The following RNF150 variants were observed in gnomAD, a reference collection of about 807,000 sequenced individuals.
RNF150 encodes the protein ring finger protein 150.
In RNF150, 24 loss-of-function variants were observed where a neutral mutation model predicts 39.3. The ratio of observed to expected loss-of-function variants is 0.61; its 90% CI spans 0.44 to 0.86. RNF150 has a LOEUF of 0.86. RNF150 is among the 40% of genes least tolerant of loss of function. The probability of loss-of-function intolerance (pLI) is 0.00; values close to 1 mark genes in which losing one functional copy is unlikely to be tolerated. For synonymous variants in RNF150, 255 were observed against 227.3 expected (o/e 1.12, Z -1.10); for missense variants, 502 against 587.8 (o/e 0.85, Z 1.51).
At chr4:141,099,614 G>A (rs1211350657) in intron 1 of RNF150, among the ~76,000 whole-genome samples, 2 of 152,042 alleles carry the variant, frequency 1.3e-5, no homozygotes, top group Non-Finnish European at 2.9e-5. Flanking sequence ...TTCTCCTGCT[G>A]AGAAACTAAA....
At chr4:141,023,618 A>G (rs1735582281) in intron 1 of RNF150, among the ~76,000 whole-genome samples, 1 of 152,152 alleles carries the variant, frequency 6.6e-6, no homozygotes, top group Admixed American at 6.6e-5. Context: ...TAGATAATTC[A>G]TAAAAATTAT....
intron 5 of RNF150, among the ~76,000 whole-genome samples, chr4:140,918,608 A>G (rs1275459009): frequency 2.0e-5 from 3 of 152,126 alleles, no homozygotes; most frequent in African/African-American, 4.8e-5. Flanking sequence ...CCAGAGGTAC[A>G]AGGAGGAGCT....
intron 1 of RNF150, among the ~76,000 whole-genome samples, chr4:140,999,993 A>AAAGAAGAAG (rs1169596089): frequency 1.6e-5 from 1 of 63,356 alleles, no homozygotes; most frequent in African/African-American, 5.3e-5. Flanking sequence ...GAAAAGAAGA[A>AAAGAAGAAG]AAGAAGAAGA....
intron 1 of RNF150, among the ~76,000 whole-genome samples, chr4:141,068,692 C>T (rs1737561036): frequency 6.7e-6 from 1 of 148,450 alleles, no homozygotes; most frequent in Admixed American, 6.8e-5. Context: ...TACCCATGAG[C>T]ATGGAATGTT....
At chr4:141,100,900 A>G (rs1010962920) in intron 1 of RNF150, among the ~76,000 whole-genome samples, 5 of 152,234 alleles carry the variant, frequency 3.3e-5, no homozygotes, top group African/African-American at 1.2e-4. Flanking sequence ...GTATCTAAAC[A>G]TAGAAAAGGT....
chr4:141,009,573 A>G (rs1734997412), intron 1 of RNF150, among the ~76,000 whole-genome samples: 6 of 152,234 alleles, frequency 3.9e-5, no homozygotes, highest in Admixed American at 3.9e-4. Flanking sequence ...CCATGTAAGA[A>G]CAGTGACTGG....
Position 140,867,863 on chromosome 4 carries a change from C to T in RNF150, c.*398G>A, listed in dbSNP as rs978781434. On this transcript the variant is annotated 3_prime_UTR_variant, in exon 7 of 7. Coordinates refer to ENST00000515673, the MANE Select transcript of RNF150 (RefSeq NM_020724.2). ...AAAGGAATAGATGGAAAGTAAACTA[C>T]AAATAATCTTTAAAAAAATTGCCAA... is the stretch of plus-strand genomic sequence containing the variant. 17 of 161,356 alleles carry T rather than the reference C, an allele frequency of 1.1e-4. No individual in the cohort carries two copies. The highest frequency in any genetic ancestry group is 3.8e-4 in the African/African-American group (16 of 41,780). 10.0% of individuals were successfully genotyped at this position (161,356 alleles called of 1,614,324 possible).
At chr4:141,076,004 T>C (rs895601138) in intron 1 of RNF150, among the ~76,000 whole-genome samples, 3 of 152,208 alleles carry the variant, frequency 2.0e-5, no homozygotes, top group Admixed American at 1.3e-4. Flanking sequence ...AAAGATCTGA[T>C]AGATAAGTGA....
rs192315555 is a variant in RNF150 at position 141,190,580 on chromosome 4, C to G, written c.-6+22214G>C. On this transcript the variant is annotated intron_variant, in intron 1 of 7. Transcript: ENST00000420921. ...CCTTGAGCTTCACATGACAGCATAG[C>G]ATTAGAAACGCCTTGCTTGCAGGCC... 9.1e-4 allele frequency among the ~76,000 whole-genome samples: 139 copies of G among 152,280 alleles called. 1 individual carries two copies. Among genetic ancestry groups the G allele is most frequent in the African/African-American group, 3.3e-3 (138 of 41,560 alleles).
At chr4:140,954,062 T>C (rs191081454) in intron 2 of RNF150, among the ~76,000 whole-genome samples, 7 of 152,292 alleles carry the variant, frequency 4.6e-5, no homozygotes, top group Admixed American at 3.3e-4. Context: ...AGTAAAGTGA[T>C]GCTAATGGAA....
intron 1 of RNF150, among the ~76,000 whole-genome samples, chr4:140,975,127 G>A (rs548782694): frequency 1.3e-5 from 2 of 152,198 alleles, no homozygotes; most frequent in African/African-American, 4.8e-5. Context: ...GTGGTGGCAT[G>A]CTCCTGTAGT....
At position 140,861,463 on chromosome 4, in the gene RNF150, A is replaced by T. The variant is rs530786157; in HGVS notation, c.*6798T>A. ...TCTCAACTACCGAAGAAATTGTATG[A>T]TGAAAGGCAAGTAACTGGTTGTTGA... On this transcript the variant is annotated 3_prime_UTR_variant, in exon 7 of 7. Coordinates refer to ENST00000515673, the MANE Select transcript of RNF150 (RefSeq NM_020724.2). The T allele has an allele frequency of 6.6e-6, 1 of 152,346 alleles. No homozygotes were observed. The highest frequency in any genetic ancestry group is 2.1e-4 in the South Asian group (1 of 4,826). The allele number at this position is 152,346 out of a possible 1,614,324, so 9.4% of individuals were successfully genotyped here.
chr4:141,094,036 T>A (rs535440059), intron 1 of RNF150, among the ~76,000 whole-genome samples: 1 of 152,204 alleles, frequency 6.6e-6, no homozygotes, highest in East Asian at 1.9e-4. Context: ...ATGATATAGA[T>A]ACAGCTAAAG....
At chr4:140,999,263 TG>T in intron 1 of RNF150, among the ~76,000 whole-genome samples, 1 of 152,226 alleles carries the variant, frequency 6.6e-6, no homozygotes. Context: ...ATTTCTCCAG[TG>T]TCATTCATCC....
chr4:140,919,795 G>C (rs1731026391), intron 5 of RNF150, among the ~76,000 whole-genome samples: 2 of 152,180 alleles, frequency 1.3e-5, no homozygotes, highest in African/African-American at 2.4e-5. Flanking sequence ...TTGGTTACAA[G>C]GCTACGGTAA....
chr4:141,026,217 G>A (rs1735691335), intron 1 of RNF150, among the ~76,000 whole-genome samples: 1 of 152,116 alleles, frequency 6.6e-6, no homozygotes, highest in South Asian at 2.1e-4. Flanking sequence ...AACATTACAT[G>A]TCAGCTACTG....
chr4:141,168,768 G>C (rs757946777), intron 1 of RNF150, among the ~76,000 whole-genome samples: 7 of 152,070 alleles, frequency 4.6e-5, no homozygotes, highest in Non-Finnish European at 8.8e-5. Flanking sequence ...CACAGGGAGG[G>C]GAACATCACA....
intron 1 of RNF150, among the ~76,000 whole-genome samples, chr4:141,115,950 T>C (rs1049836312): frequency 6.6e-6 from 1 of 152,190 alleles, no homozygotes; most frequent in Non-Finnish European, 1.5e-5. Flanking sequence ...GGCAGAAAAC[T>C]GAAACTGGAC....
At position 140,975,711 on chromosome 4, in the gene RNF150, T is replaced by C. The variant is rs75376863; in HGVS notation, c.485-7838A>G. On this transcript the variant is annotated intron_variant, in intron 1 of 6. Transcript: ENST00000515673. ...TCTGGGGAAAACCAAGGTGGAGGTCTTAGTCTTGTTCCTCCAGAAGATCCA... is the reference window on the plus strand; with the variant it reads ...TCTGGGGAAAACCAAGGTGGAGGTCCTAGTCTTGTTCCTCCAGAAGATCCA... Among the ~76,000 whole-genome samples the C allele has an allele frequency of 4.3e-3, 648 of 152,278 alleles. 1 individual carries two copies. Among genetic ancestry groups the C allele is most frequent in the Non-Finnish European group, 6.6e-3 (452 of 68,004 alleles).
Sources: allele counts gnomAD v4.1 joint callset (sites outside exome capture counted in the v4.1 genomes callset), GRCh38; gene constraint gnomAD v4.1.1; transcripts MANE v1.5; gene names NCBI Gene and HGNC (gene_info 2026-07-23, HGNC 2026-07-21).